Variants in NOTCH2NLB observed in about 807,000 individuals in gnomAD.
NOTCH2NLB encodes notch homolog 2 N-terminal-like protein B.
Under a neutral mutation model 14.8 loss-of-function variants are expected in NOTCH2NLB, and 1 was observed. The ratio of observed to expected loss-of-function variants is 0.07; its 90% confidence interval spans 0.02 to 0.32. The LOEUF (loss-of-function observed/expected upper bound fraction) is 0.32. NOTCH2NLB is among the 10% of genes least tolerant of loss of function. The probability of loss-of-function intolerance (pLI) is 1.00; values close to 1 mark genes in which losing one functional copy is unlikely to be tolerated. For missense variants in NOTCH2NLB, 11 were observed against 155.0 expected, an observed-to-expected ratio of 0.07 and a Z score of 4.93; for synonymous variants, 6 against 57.5, an observed-to-expected ratio of 0.10 and a Z score of 4.05.
chr1:148,623,915 G>A (rs1663938816), intron 2 of NOTCH2NLB, among the ~76,000 whole-genome samples: 1 of 83,538 alleles, frequency 1.2e-5, no homozygotes, highest in Non-Finnish European at 2.0e-5. Context: ...TCTGTGATCT[G>A]TCTGGTAGAA....
upstream of NOTCH2NLB, among the ~76,000 whole-genome samples, chr1:148,680,656 A>G (rs1208373232): frequency 7.2e-6 from 1 of 138,908 alleles, no homozygotes; most frequent in Non-Finnish European, 1.6e-5. Context: ...ATAGCTATTT[A>G]TGTCAATAGG....
chr1:148,610,811 G>A (rs1486084362), intron 3 of NOTCH2NLB, among the ~76,000 whole-genome samples: 1 of 14,632 alleles, frequency 6.8e-5, no homozygotes, highest in Non-Finnish European at 1.2e-4. Flanking sequence ...GAAGAATGGC[G>A]TGAACCCGGG....
chr1:148,651,160 A>ATATATATATAC (rs1277364573), intron 1 of NOTCH2NLB, among the ~76,000 whole-genome samples: 1 of 46,686 alleles, frequency 2.1e-5, no homozygotes, highest in East Asian at 8.8e-4. Flanking sequence ...AAAAAAAAAA[A>ATATATATATAC]AAATATATAT....
intron 2 of NOTCH2NLB, among the ~76,000 whole-genome samples, chr1:148,638,462 G>GACTAAA (rs1240488161): frequency 6.7e-6 from 1 of 148,762 alleles, no homozygotes; most frequent in Non-Finnish European, 1.5e-5. Context: ...GCCACAAAAA[G>GACTAAA]ACTAAACAAG....
chr1:148,651,154 A>ATAT (rs1664495443), intron 1 of NOTCH2NLB, among the ~76,000 whole-genome samples: 1 of 81,238 alleles, frequency 1.2e-5, no homozygotes, highest in African/African-American at 4.5e-5. Flanking sequence ...GAAAAAAAAA[A>ATAT]AAAAAAAAAT....
chr1:148,703,280 ACT>A, the NOTCH2NLB span, among the ~76,000 whole-genome samples: 1 of 131,208 alleles, frequency 7.6e-6, no homozygotes, highest in African/African-American at 2.6e-5. Context: ...ACAGAGCAAG[ACT>A]CTGTCTCAAA....
the NOTCH2NLB span, among the ~76,000 whole-genome samples, chr1:148,684,903 G>A: frequency 5.2e-5 from 7 of 134,108 alleles, no homozygotes; most frequent in Admixed American, 1.4e-4. Flanking sequence ...ATTTCAGCTC[G>A]GGTGACAGAG....
chr1:148,673,621 C>T lies in NOTCH2NLB; in HGVS notation c.3+5841G>A, dbSNP rs1319456571. 1.7e-4 allele frequency among the ~76,000 whole-genome samples: 24 copies of T among 142,112 alleles called. 1 individual carries two copies. The South Asian group carries it at 2.4e-3, about 14-fold the overall frequency. 93.2% of individuals were successfully genotyped at this position (142,112 alleles called of 152,430 possible). On this transcript the variant is annotated intron_variant, in intron 1 of 4. Coordinates refer to ENST00000593495, the Ensembl canonical transcript of NOTCH2NLB. ...AAGTCATACAACACAAACAGAAGTC[C>T]GAAAATGCTGGATTTCGCAAATTTC...
the NOTCH2NLB span, among the ~76,000 whole-genome samples, chr1:148,684,859 T>C: frequency 6.0e-5 from 7 of 115,958 alleles, no homozygotes; most frequent in Non-Finnish European, 9.5e-5. Flanking sequence ...TCCCAGGAGG[T>C]TGAGGCTGCA....
intron 3 of NOTCH2NLB, among the ~76,000 whole-genome samples, chr1:148,609,273 T>G (rs1663609545): frequency 2.3e-5 from 2 of 86,818 alleles, no homozygotes; most frequent in Non-Finnish European, 4.5e-5. Flanking sequence ...AGGCCCCGGT[T>G]TGTGATGTTC....
rs1425794611 is a variant in NOTCH2NLB, at chr1:148,670,577, T to A, written c.3+8885A>T. On this transcript the variant is annotated intron_variant, in intron 1 of 4. Transcript: ENST00000593495. ...ACATATATATATATATATATATATA[T>A]AAATAAATCAACAGCTTTTCTAAAT... Among the ~76,000 whole-genome samples, 267 of 133,500 alleles carry A rather than the reference T, an allele frequency of 2.0e-3. 1 individual carries two copies. Among genetic ancestry groups the A allele is most frequent in the Admixed American group, 6.4e-3 (85 of 13,348 alleles). The allele number at this position is 133,500 out of a possible 152,430, so 87.6% of individuals were successfully genotyped here.
At chr1:148,679,276 G>T (rs1486855494) in intron 1 of NOTCH2NLB, among the ~76,000 whole-genome samples, 186 bp downstream of exon 1, 1 of 34,462 alleles carries the variant, frequency 2.9e-5, no homozygotes, top group African/African-American at 1.1e-4. Context: ...AACCCCGGCG[G>T]TTGGCGGGGC....
chr1:148,620,881 A>C (rs1663855579), intron 2 of NOTCH2NLB, among the ~76,000 whole-genome samples: 1 of 152,254 alleles, frequency 6.6e-6, no homozygotes. Flanking sequence ...TCCACCATTT[A>C]CTCAATGTGT....
At chr1:148,605,330 C>G (rs1436150372), downstream of NOTCH2NLB, among the ~76,000 whole-genome samples, 8 of 140,954 alleles carry the variant, frequency 5.7e-5, 1 homozygote, top group African/African-American at 2.2e-4. Context: ...TGTAATTGAG[C>G]TAATAAGCAT....
intron 1 of NOTCH2NLB, among the ~76,000 whole-genome samples, chr1:148,670,579 A>AT (rs1664757314): frequency 1.9e-4 from 20 of 104,720 alleles, no homozygotes; most frequent in Non-Finnish European, 1.2e-4. Context: ...TATATATATA[A>AT]ATAAATCAAC....
chr1:148,673,802 A>G (rs1664800677), intron 1 of NOTCH2NLB, among the ~76,000 whole-genome samples: 2 of 142,690 alleles, frequency 1.4e-5, no homozygotes, highest in Admixed American at 7.0e-5. Flanking sequence ...AAAAACAAAC[A>G]AACAAAAACA....
rs1159790526 is a variant in NOTCH2NLB at position 148,651,144 on chromosome 1, G to GAAA, written c.4-11058_4-11056dup. On this transcript the variant is annotated intron_variant, in intron 1 of 4. Coordinates refer to ENST00000593495, the Ensembl canonical transcript of NOTCH2NLB. ...GGCGACACAGCAAGACTCTGCCTGAGAAAAAAAAAAAAAAAAAAATATATA... is the reference window on the plus strand; with the variant it reads ...GGCGACACAGCAAGACTCTGCCTGAGAAAAAAAAAAAAAAAAAAAAAATATATA... Among the ~76,000 whole-genome samples the GAAA allele has an allele frequency of 2.4e-3, 187 of 76,416 alleles. 1 individual carries two copies. Among genetic ancestry groups the GAAA allele is most frequent in the South Asian group, 3.3e-3 (7 of 2,098 alleles). 50.1% of individuals were successfully genotyped at this position (76,416 alleles called of 152,430 possible).
chr1:148,638,305 A>G (rs1328604026), intron 2 of NOTCH2NLB, among the ~76,000 whole-genome samples: 10 of 149,344 alleles, frequency 6.7e-5, no homozygotes, highest in Non-Finnish European at 1.3e-4. Context: ...CAGGCACTGT[A>G]ATAGGCATTA....
intron 3 of NOTCH2NLB, among the ~76,000 whole-genome samples, chr1:148,608,840 G>A (rs1164459485): frequency 6.9e-6 from 1 of 144,062 alleles, no homozygotes; most frequent in Non-Finnish European, 1.5e-5. Context: ...GCCATCAGGA[G>A]GACAGAGGTC....
Sources: allele counts gnomAD v4.1 joint callset (sites outside exome capture counted in the v4.1 genomes callset), GRCh38; gene constraint gnomAD v4.1.1; transcripts MANE v1.5; gene names NCBI Gene and HGNC (gene_info 2026-07-23, HGNC 2026-07-21).